CACNA1I: variants seen among roughly 807,000 people sequenced by gnomAD.
CACNA1I encodes the protein calcium voltage-gated channel subunit alpha1 I, also known as voltage-dependent T-type calcium channel subunit alpha-1I.
In CACNA1I, 74 loss-of-function variants were observed where a neutral mutation model predicts 201.6. The observed-to-expected ratio is 0.37, with a 90% CI of 0.30 to 0.45. CACNA1I has a LOEUF of 0.45. CACNA1I is among the 20% of genes least tolerant of loss of function. The probability of loss-of-function intolerance (pLI) is 1.00; values close to 1 mark genes in which losing one functional copy is unlikely to be tolerated. For missense variants in CACNA1I, 2,346 were observed against 3,138.1 expected, an observed-to-expected ratio of 0.75 and a Z score of 6.03; for synonymous variants, 1,431 against 1,345.2, an observed-to-expected ratio of 1.06 and a Z score of -1.40.
chr22:39,609,524 C>T (rs999413118), intron 3 of CACNA1I, among the ~76,000 whole-genome samples: 5 of 152,120 alleles, frequency 3.3e-5, no homozygotes, highest in East Asian at 1.9e-4. Context: ...CCGGTGAAGC[C>T]GTGGGTGTCA....
intron 31 of CACNA1I, among the ~76,000 whole-genome samples, chr22:39,678,737 A>G (rs1017455508): frequency 1.2e-4 from 18 of 152,216 alleles, no homozygotes; most frequent in African/African-American, 4.1e-4. Context: ...GAAAAACCAG[A>G]AAGGAAGGAC....
At chr22:39,588,790 C>T (rs1932788886) in intron 1 of CACNA1I, among the ~76,000 whole-genome samples, 1 of 152,164 alleles carries the variant, frequency 6.6e-6, no homozygotes, top group African/African-American at 2.4e-5. Context: ...TTGGGTACTC[C>T]CCAACGTTAC....
chr22:39,608,404 C>T (rs533973346), intron 3 of CACNA1I, among the ~76,000 whole-genome samples: 4 of 150,518 alleles, frequency 2.7e-5, no homozygotes, highest in African/African-American at 4.9e-5. Flanking sequence ...AGTTAGAGAT[C>T]GGTCTGGGCA....
rs1935883838 is a variant in CACNA1I, at chr22:39,686,491, T to G, written c.*86T>G. The G allele has an allele frequency of 2.0e-6, 2 of 1,020,226 alleles. No individual in the cohort carries two copies. Among genetic ancestry groups the G allele is most frequent in the African/African-American group, 1.7e-5 (1 of 59,420 alleles). The allele number at this position is 1,020,226 out of a possible 1,614,324, so 63.2% of individuals were successfully genotyped here. A position where few individuals can be genotyped will look rare whatever the true frequency, so the allele number is the denominator to read the frequency against. On this transcript the variant is annotated 3_prime_UTR_variant, in exon 37 of 37. Transcript: ENST00000402142. ...GCCAGGAGCAGACAGCAATACTTCGTCCACACCTGGGATCGCGCAGGGCCC... is the reference window on the plus strand; with the variant it reads ...GCCAGGAGCAGACAGCAATACTTCGGCCACACCTGGGATCGCGCAGGGCCC...
Position 39,586,493 on chromosome 22 carries a change from A to AAAATAAATAAATAAATAAAT in CACNA1I, c.237-11646_237-11627dup, listed in dbSNP as rs368933585. ...GGTGACAGAATTAGACTCCGTCTCT[A>AAAATAAATAAATAAATAAAT]AAATAAATAAATAAATAAATAAATA... On this transcript the variant is annotated intron_variant, in intron 1 of 36. Coordinates refer to ENST00000402142, the MANE Select transcript of CACNA1I (RefSeq NM_021096.4). Among the ~76,000 whole-genome samples, 1,068 of 151,172 alleles carry AAAATAAATAAATAAATAAAT rather than the reference A, an allele frequency of 7.1e-3. 11 individuals are homozygous for AAAATAAATAAATAAATAAAT. The highest frequency in any genetic ancestry group is 0.024 in the African/African-American group (979 of 40,662).
intron 1 of CACNA1I, among the ~76,000 whole-genome samples, chr22:39,592,941 AGT>A (rs1168341940): frequency 6.6e-6 from 1 of 152,118 alleles, no homozygotes; most frequent in East Asian, 1.9e-4. Context: ...GCCAGTGGGG[AGT>A]GTGTCAGGAA....
chr22:39,588,774 C>G (rs1001081011), intron 1 of CACNA1I, among the ~76,000 whole-genome samples: 10 of 152,192 alleles, frequency 6.6e-5, no homozygotes, highest in African/African-American at 2.2e-4. Context: ...CTGTCCCCCA[C>G]CTGCCTTGGG....
intron 4 of CACNA1I, among the ~76,000 whole-genome samples, chr22:39,620,253 ATC>A (rs1569065657): frequency 1.0e-4 from 14 of 134,436 alleles, no homozygotes; most frequent in African/African-American, 3.7e-4. Flanking sequence ...CCATCCATCC[ATC>A]CATCCATCCA....
intron 10 of CACNA1I, among the ~76,000 whole-genome samples, chr22:39,650,585 C>T (rs931591041): frequency 1.3e-5 from 2 of 152,248 alleles, no homozygotes; most frequent in African/African-American, 4.8e-5. Flanking sequence ...CAGACCTTTG[C>T]ATGACCCTCA....
At chr22:39,638,219 C>T (rs983276360) in intron 5 of CACNA1I, among the ~76,000 whole-genome samples, 13 of 152,210 alleles carry the variant, frequency 8.5e-5, no homozygotes, top group African/African-American at 4.8e-5. Context: ...GGATTACAGG[C>T]GTGAGCCACT....
Position 39,585,726 on chromosome 22 carries a change from AGTTTT to A in CACNA1I, c.237-12424_237-12420del, listed in dbSNP as rs1354738925. 5.4e-3 allele frequency among the ~76,000 whole-genome samples: 369 copies of A among 68,358 alleles called. 2 individuals carry two copies. The highest frequency in any genetic ancestry group is 8.8e-3 in the Non-Finnish European group (302 of 34,252). 44.8% of individuals were successfully genotyped at this position (68,358 alleles called of 152,430 possible). A position where few individuals can be genotyped will look rare whatever the true frequency, so the allele number is the denominator to read the frequency against. ...AAAAAAAAAAAAAAAAAACTTTTAA[AGTTTT>A]TTTTTTTTTTTTTTTTGCAATGCGG... On this transcript the variant is annotated intron_variant, in intron 1 of 36. Coordinates refer to ENST00000402142, the MANE Select transcript of CACNA1I (RefSeq NM_021096.4).
At chr22:39,597,232 G>A (rs1446260852) in intron 1 of CACNA1I, among the ~76,000 whole-genome samples, 1 of 152,192 alleles carries the variant, frequency 6.6e-6, no homozygotes, top group Non-Finnish European at 1.5e-5. Context: ...TGACAGGCGG[G>A]GGCTGGAAGT....
intron 9 of CACNA1I, 58 bp downstream of exon 9, chr22:39,647,984 G>T (rs1301844426): frequency 6.8e-7 from 1 of 1,468,444 alleles, no homozygotes; most frequent in Admixed American, 1.7e-5. Flanking sequence ...ACTTCTCCCA[G>T]TTGGTGCTGA....
chr22:39,663,569 G>A (rs916647847), intron 18 of CACNA1I, 149 bp from the exon 19 acceptor site: 1 of 885,232 alleles, frequency 1.1e-6, no homozygotes, highest in African/African-American at 1.7e-5. Context: ...CCCTGAGCAG[G>A]TGTAGAGTCG....
At chr22:39,638,047 C>A (rs928866484) in intron 5 of CACNA1I, among the ~76,000 whole-genome samples, 6 of 152,166 alleles carry the variant, frequency 3.9e-5, no homozygotes, top group Non-Finnish European at 8.8e-5. Flanking sequence ...GATTCTCCTG[C>A]CTCAGCCTCC....
At chr22:39,682,438 C>A in intron 34 of CACNA1I, 58 bp from the exon 35 acceptor site, 1 of 1,457,522 alleles carries the variant, frequency 6.9e-7, no homozygotes, top group Non-Finnish European at 9.5e-7. Flanking sequence ...CATGAGGTAC[C>A]CTTCATGAGC....
chr22:39,670,300 C>A (rs1054775483), intron 25 of CACNA1I, 70 bp downstream of exon 25: 10 of 1,486,324 alleles, frequency 6.7e-6, no homozygotes, highest in Non-Finnish European at 9.1e-7. Flanking sequence ...TGACCCCAGC[C>A]TCCTGAGCCT....
intron 1 of CACNA1I, among the ~76,000 whole-genome samples, chr22:39,592,418 G>T (rs1186453096): frequency 6.6e-6 from 1 of 152,222 alleles, no homozygotes; most frequent in Non-Finnish European, 1.5e-5. Flanking sequence ...CTCTGGGCTT[G>T]CTGTGGAGCT....
chr22:39,624,853 C>T (rs2146400328), intron 4 of CACNA1I, among the ~76,000 whole-genome samples: 1 of 151,646 alleles, frequency 6.6e-6, no homozygotes, highest in Middle Eastern at 3.4e-3. Flanking sequence ...ATATGATTTT[C>T]CTGCAGACAT....
Sources: gnomAD v4.1 joint callset for allele counts (sites outside exome capture counted in the v4.1 genomes callset) on GRCh38, gnomAD v4.1.1 for gene constraint, MANE v1.5 for transcripts, NCBI Gene and HGNC (gene_info 2026-07-23, HGNC 2026-07-21) for gene names.